The following RAPGEF2 variants were observed in gnomAD, a reference collection of about 807,000 sequenced individuals.
RAPGEF2 encodes the protein Rap guanine nucleotide exchange factor 2.
In RAPGEF2, 54 loss-of-function variants were observed where a neutral mutation model predicts 186.7. The observed-to-expected ratio is 0.29, with a 90% CI of 0.23 to 0.36. The LOEUF (loss-of-function observed/expected upper bound fraction) is 0.36, where lower values mean the gene tolerates loss of function less well. Among genes scored for constraint, RAPGEF2 ranks in the 10% least tolerant of loss-of-function variants. The pLI is 1.00. For synonymous variants in RAPGEF2, 712 were observed against 705.9 expected, an observed-to-expected ratio of 1.01 and a Z score of -0.14; for missense variants, 1,532 against 2,045.0, an observed-to-expected ratio of 0.75 and a Z score of 4.84.
chr4:159,233,747 C>G (rs955043032), intron 4 of RAPGEF2, among the ~76,000 whole-genome samples: 2 of 151,942 alleles, frequency 1.3e-5, no homozygotes, highest in African/African-American at 2.4e-5. Context: ...GCCACCTATT[C>G]CCCAATAACC....
intron 18 of RAPGEF2, 109 bp from the exon 19 acceptor site, chr4:159,339,005 G>A: frequency 7.5e-7 from 1 of 1,333,638 alleles, no homozygotes; most frequent in Non-Finnish European, 1.0e-6. Context: ...AGAGGTAAAA[G>A]TTCAGCATTG....
chr4:159,281,842 C>T (rs536550022), intron 7 of RAPGEF2, among the ~76,000 whole-genome samples: 3 of 152,052 alleles, frequency 2.0e-5, no homozygotes, highest in African/African-American at 7.2e-5. Context: ...TAGATGAAAA[C>T]TTGAGGTTTA....
At chr4:159,140,127 G>A (rs1188136871) in intron 1 of RAPGEF2, among the ~76,000 whole-genome samples, 1 of 152,118 alleles carries the variant, frequency 6.6e-6, no homozygotes, top group Non-Finnish European at 1.5e-5. Context: ...GTTGACAGAG[G>A]TATTTTCTCA....
intron 28 of RAPGEF2, among the ~76,000 whole-genome samples, chr4:159,354,598 G>A (rs182031168): frequency 9.2e-5 from 14 of 152,188 alleles, no homozygotes; most frequent in Admixed American, 3.9e-4. Context: ...GGAGTCAGGC[G>A]GACTGGGGAT....
chr4:159,251,426 T>G (rs1234280904), intron 7 of RAPGEF2, among the ~76,000 whole-genome samples: 1 of 152,244 alleles, frequency 6.6e-6, no homozygotes, highest in Non-Finnish European at 1.5e-5. Flanking sequence ...TGTGTCTAGC[T>G]GGAGGATTGT....
Position 159,352,781 on chromosome 4 carries a change from T to C in RAPGEF2, c.3962T>C (p.Phe1321Ser). 1.9e-6 allele frequency: 3 copies of C among 1,614,224 alleles called. No individual in the cohort carries two copies. The highest frequency in any genetic ancestry group is 2.2e-5 in the East Asian group (1 of 44,890). The change falls in exon 27 of 30, where the codon TTT (phenylalanine) becomes TCT (serine). Residue 1321 changes from phenylalanine (F) to serine (S), a missense_variant. Phe to Ser is a radical substitution (Grantham distance 155). Coordinates refer to ENST00000691494, the MANE Select transcript of RAPGEF2 (RefSeq NM_001394067.2). Reference protein sequence around the residue: ...SRSSIVSNSSFDSVPVSLHDE... With the variant: ...SRSSIVSNSSSDSVPVSLHDE... ...TCCAGTATTGTTAGCAATTCGTCTT[T>C]TGACTCAGTGCCAGTCTCACTGCAC...
intron 22 of RAPGEF2, among the ~76,000 whole-genome samples, chr4:159,343,750 A>G (rs1010463266): frequency 3.3e-5 from 5 of 152,354 alleles, no homozygotes; most frequent in African/African-American, 1.2e-4. Context: ...GTCTTGTCTC[A>G]ATATCCACAC....
intron 8 of RAPGEF2, among the ~76,000 whole-genome samples, chr4:159,310,005 A>G (rs1321781390): frequency 3.1e-5 from 4 of 130,760 alleles, no homozygotes; most frequent in East Asian, 1.9e-4. Context: ...GGATCAAAAC[A>G]TTTTGTAATT....
At chr4:159,129,525 A>T (rs1344910382) in intron 1 of RAPGEF2, among the ~76,000 whole-genome samples, 1 of 152,222 alleles carries the variant, frequency 6.6e-6, no homozygotes, top group Non-Finnish European at 1.5e-5. Context: ...CAGTTCTAAC[A>T]TCAACCTTAT....
chr4:159,134,143 G>A (rs149893367), intron 1 of RAPGEF2, among the ~76,000 whole-genome samples: 155 of 152,250 alleles, frequency 1.0e-3, no homozygotes, highest in African/African-American at 3.4e-3. Context: ...AGTCCTCTCC[G>A]TCTAGCCTGT....
intron 7 of RAPGEF2, among the ~76,000 whole-genome samples, chr4:159,251,801 G>C (rs943072920): frequency 3.3e-5 from 5 of 151,902 alleles, no homozygotes; most frequent in African/African-American, 1.2e-4. Context: ...GGACCAATCA[G>C]CAGGATGTGG....
chr4:159,343,723 T>C (rs900166414), intron 22 of RAPGEF2, among the ~76,000 whole-genome samples: 4 of 152,242 alleles, frequency 2.6e-5, no homozygotes, highest in Non-Finnish European at 4.4e-5. Flanking sequence ...CACTAAAATA[T>C]GTAAATACCC....
chr4:159,182,388 T>TC (rs1362962775), intron 1 of RAPGEF2, among the ~76,000 whole-genome samples: 3 of 45,154 alleles, frequency 6.6e-5, no homozygotes, highest in Non-Finnish European at 1.4e-4. Context: ...CTTTTCTTCT[T>TC]TTTTTTTTTT....
intron 9 of RAPGEF2, among the ~76,000 whole-genome samples, chr4:159,320,454 G>A (rs1345184742): frequency 6.6e-6 from 1 of 152,164 alleles, no homozygotes; most frequent in Non-Finnish European, 1.5e-5. Context: ...TGCTTTGATA[G>A]TTTAACTTAT....
rs185973172 is a variant in RAPGEF2, at chr4:159,239,794, T to G, written c.357+910T>G. On this transcript the variant is annotated intron_variant, in intron 5 of 29. Coordinates refer to ENST00000691494, the MANE Select transcript of RAPGEF2 (RefSeq NM_001394067.2). ...ACCCTAGCTGGGAAGGAAGATCTTG[T>G]AAAGTAAATGATGTCTAAATAAAGA... 3.3e-3 allele frequency among the ~76,000 whole-genome samples: 508 copies of G among 152,300 alleles called. 2 individuals are homozygous for G. Among genetic ancestry groups the G allele is most frequent in the African/African-American group, 0.012 (494 of 41,568 alleles).
At chr4:159,112,106 C>CCTGCTG (rs1738562146) in intron 1 of RAPGEF2, among the ~76,000 whole-genome samples, 1 of 152,186 alleles carries the variant, frequency 6.6e-6, no homozygotes, top group South Asian at 2.1e-4. Context: ...CTCCCCTCCC[C>CCTGCTG]CTGCGCAGCA....
intron 4 of RAPGEF2, 113 bp downstream of exon 4, chr4:159,210,696 A>G: frequency 1.3e-6 from 1 of 750,192 alleles, no homozygotes; most frequent in Non-Finnish European, 2.1e-6. Flanking sequence ...ATACAAAGCA[A>G]GACAGTACTT....
At chr4:159,354,121 A>G in intron 28 of RAPGEF2, 75 bp downstream of exon 28, 1 of 1,387,754 alleles carries the variant, frequency 7.2e-7, no homozygotes, top group Non-Finnish European at 9.7e-7. Flanking sequence ...TAGTAAAATT[A>G]TGTGTTTGTT....
At chr4:159,345,459 C>G (rs948261995) in intron 24 of RAPGEF2, 130 bp downstream of exon 24, 1 of 761,928 alleles carries the variant, frequency 1.3e-6, no homozygotes, top group African/African-American at 1.8e-5. Flanking sequence ...ATATACTAGT[C>G]TTTTCCTTGA....
Sources: allele counts gnomAD v4.1 joint callset (sites outside exome capture counted in the v4.1 genomes callset), GRCh38; gene constraint gnomAD v4.1.1; transcripts MANE v1.5; gene names NCBI Gene and HGNC (gene_info 2026-07-23, HGNC 2026-07-21).